Variants in ZNF280D observed in about 807,000 individuals in gnomAD.
ZNF280D encodes the protein zinc finger protein 280D.
A neutral mutation model predicts 94.7 loss-of-function variants in ZNF280D; 39 were observed. The observed-to-expected ratio is 0.41, with a 90% CI of 0.32 to 0.54. The LOEUF (loss-of-function observed/expected upper bound fraction) is 0.54. Among genes scored for constraint, ZNF280D ranks in the 20% least tolerant of loss-of-function variants. The probability of loss-of-function intolerance (pLI) is 0.22; values close to 1 mark genes in which losing one functional copy is unlikely to be tolerated. For synonymous variants in ZNF280D, 398 were observed against 377.6 expected, an observed-to-expected ratio of 1.05 and a Z score of -0.63; for missense variants, 1,090 against 1,149.3, an observed-to-expected ratio of 0.95 and a Z score of 0.75.
chr15:56,732,747 A>C (rs1473668485), intron 1 of ZNF280D: 1 of 152,116 alleles, frequency 6.6e-6, no homozygotes, highest in Non-Finnish European at 1.5e-5. Flanking sequence ...AGTTGGGAGG[A>C]ATTCCTTCCA....
At chr15:56,715,830 A>C (rs1331422350) in intron 1 of ZNF280D, among the ~76,000 whole-genome samples, 3 of 152,152 alleles carry the variant, frequency 2.0e-5, no homozygotes, top group African/African-American at 7.2e-5. Flanking sequence ...GGCCCTCCCT[A>C]TCCGTGGTTC....
chr15:56,630,727 T>C lies in ZNF280D; in HGVS notation c.*771A>G, dbSNP rs1322302212. 6.6e-6 allele frequency: 1 copy of C among 152,164 alleles called. No individual in the cohort carries two copies. The highest frequency in any genetic ancestry group is 1.5e-5 in the Non-Finnish European group (1 of 68,018). 9.4% of individuals were successfully genotyped at this position (152,164 alleles called of 1,614,324 possible). ...ACAATGGGTTTCTACTTTACATTAA[T>C]ACAACTAATACATCAAAGAATTTCT... On this transcript the variant is annotated 3_prime_UTR_variant, in exon 22 of 22. Transcript: ENST00000267807.
intron 13 of ZNF280D, among the ~76,000 whole-genome samples, chr15:56,675,275 G>A (rs1178889938): frequency 1.3e-5 from 2 of 151,890 alleles, no homozygotes; most frequent in Non-Finnish European, 2.9e-5. Context: ...AAGCACCTGG[G>A]AAAGATTATG....
At chr15:56,646,523 G>C (rs2052900961) in intron 19 of ZNF280D, among the ~76,000 whole-genome samples, 1 of 152,134 alleles carries the variant, frequency 6.6e-6, no homozygotes. Flanking sequence ...GTAATCATCA[G>C]ACTAAGACAT....
Position 56,701,168 on chromosome 15 carries a change from T to G in ZNF280D, c.241+5A>C. ...TAAAATTAAAATAGTATAATAATAC[T>G]GTACCTCGACTGAGTGCACCATTCT... On this transcript the variant is annotated splice_donor_5th_base_variant and intron_variant, in intron 5 of 21. Transcript: ENST00000267807. The G allele has an allele frequency of 6.3e-7, 1 of 1,596,264 alleles. No individual in the cohort carries two copies. Among genetic ancestry groups the G allele is most frequent in the Non-Finnish European group, 8.5e-7 (1 of 1,170,730 alleles).
chr15:56,673,530 C>T (rs879594779), intron 13 of ZNF280D, among the ~76,000 whole-genome samples: 7 of 152,008 alleles, frequency 4.6e-5, no homozygotes, highest in Non-Finnish European at 4.4e-5. Flanking sequence ...TATCTTCTCC[C>T]CCTAATATCC....
intron 1 of ZNF280D, among the ~76,000 whole-genome samples, chr15:56,717,824 T>C (rs1485266970): frequency 2.6e-5 from 4 of 152,016 alleles, no homozygotes; most frequent in Non-Finnish European, 5.9e-5. Context: ...ACAACTCTAT[T>C]TGCCTCCACC....
In ZNF280D at chr15:56,701,065, A is replaced by G. The variant is rs1347079886; in HGVS notation, c.249T>C (p.Thr83=). 3.1e-6 allele frequency: 5 copies of G among 1,613,676 alleles called. No individual in the cohort carries two copies. In the Admixed American group the frequency reaches 5.0e-5, roughly 16 times the overall value. Residue 83 remains threonine, a synonymous_variant, in exon 6 of 22, where the codon ACT becomes ACC. Coordinates refer to ENST00000267807, the MANE Select transcript of ZNF280D (RefSeq NM_017661.4). ...LKNGALSRGI[T]AAFKPTSQHY... ...GTTGACTTGTAGGCTTGAATGCAGCAGTAATACCTGTATTTTAAAGTAACA... is the reference window on the plus strand; with the variant it reads ...GTTGACTTGTAGGCTTGAATGCAGCGGTAATACCTGTATTTTAAAGTAACA...
intron 14 of ZNF280D, chr15:56,668,315 T>G (rs2054434540): frequency 2.7e-6 from 1 of 366,390 alleles, no homozygotes; most frequent in African/African-American, 2.2e-5. Flanking sequence ...ATCATCAGTA[T>G]GCAGTCAGAC....
At chr15:56,673,277 CAAA>C in intron 13 of ZNF280D, among the ~76,000 whole-genome samples, 1 of 151,170 alleles carries the variant, frequency 6.6e-6, no homozygotes, top group East Asian at 1.9e-4. Flanking sequence ...CCCCCTCCTA[CAAA>C]AAAAAATCTG....
Position 56,682,333 on chromosome 15 carries a change from C to T in ZNF280D, c.925G>A (p.Gly309Arg). The T allele has an allele frequency of 1.3e-6, 2 of 1,599,728 alleles. No homozygotes were observed. The highest frequency in any genetic ancestry group is 1.7e-6 in the Non-Finnish European group (2 of 1,176,468). Residue 309 changes from glycine (G) to arginine (R), a missense_variant, in exon 10 of 22, where the codon GGA becomes AGA. Transcript: ENST00000267807. ...VNDFYYGKHEGDVQEEQKTHT... is the reference protein window; with the variant it reads ...VNDFYYGKHERDVQEEQKTHT... ...GTCTTCTGTTCCTCCTGGACATCTC[C>T]TTCATGTTTTCCATAATAAAAGTCA...
At chr15:56,654,961 C>T (rs1284898414) in intron 17 of ZNF280D, 2 of 234,490 alleles carry the variant, frequency 8.5e-6, no homozygotes, top group Non-Finnish European at 9.0e-6. Context: ...TGTCTATGCT[C>T]GAATGGAGCT....
At chr15:56,669,042 A>C in intron 13 of ZNF280D, 85 bp from the exon 14 acceptor site, 1 of 1,262,508 alleles carries the variant, frequency 7.9e-7, no homozygotes, top group East Asian at 2.4e-5. Flanking sequence ...CTTAATTTTA[A>C]TGATACCTAA....
intron 21 of ZNF280D, among the ~76,000 whole-genome samples, chr15:56,633,425 T>A (rs1437389612): frequency 6.6e-6 from 1 of 152,082 alleles, no homozygotes; most frequent in African/African-American, 2.4e-5. Context: ...ATGTAAAAGA[T>A]ATTTATCAAG....
chr15:56,719,045 A>T (rs533655202), intron 1 of ZNF280D, among the ~76,000 whole-genome samples: 13 of 152,130 alleles, frequency 8.5e-5, no homozygotes, highest in Non-Finnish European at 1.9e-4. Flanking sequence ...CAAAGTTTAG[A>T]CCTCAGTCCC....
At chr15:56,704,298 A>G in intron 3 of ZNF280D, 31 bp from the exon 4 acceptor site, 2 of 1,566,790 alleles carry the variant, frequency 1.3e-6, no homozygotes, top group South Asian at 2.4e-5. Flanking sequence ...AGTAAACCTC[A>G]TTTTTGAAAA....
intron 1 of ZNF280D, among the ~76,000 whole-genome samples, chr15:56,726,831 T>C (rs1352613461): frequency 6.6e-6 from 1 of 152,238 alleles, no homozygotes; most frequent in Non-Finnish European, 1.5e-5. Context: ...AATTCCTCTA[T>C]CACCTTTGGT....
intron 19 of ZNF280D, chr15:56,652,547 A>G (rs2053268377): frequency 1.3e-6 from 1 of 764,742 alleles, no homozygotes; most frequent in Non-Finnish European, 1.6e-6. Context: ...TCTATATTCA[A>G]TGTAACTAAA....
At chr15:56,732,602 GATTT>G (rs1354107549) in intron 1 of ZNF280D, 3 of 151,870 alleles carry the variant, frequency 2.0e-5, no homozygotes, top group African/African-American at 7.3e-5. Flanking sequence ...TAAGATGACA[GATTT>G]TTTTTTTTTT....
Sources: gnomAD v4.1 joint callset for allele counts (sites outside exome capture counted in the v4.1 genomes callset) on GRCh38, gnomAD v4.1.1 for gene constraint, MANE v1.5 for transcripts, NCBI Gene and HGNC (gene_info 2026-07-23, HGNC 2026-07-21) for gene names.